The following GRM8 variants were observed in gnomAD, a reference collection of about 807,000 sequenced individuals.
GRM8 encodes the protein glutamate metabotropic receptor 8.
A neutral mutation model predicts 87.2 loss-of-function variants in GRM8; 47 were observed. That is an observed-to-expected ratio of 0.54 (90% CI 0.43 to 0.69). GRM8 has a LOEUF of 0.69. Ranked by LOEUF, GRM8 falls within the 30% of genes least tolerant of loss-of-function variation. The pLI is 0.00. For missense variants in GRM8, 1,019 were observed against 1,139.2 expected, an observed-to-expected ratio of 0.89 and a Z score of 1.52; for synonymous variants, 396 against 404.5, an observed-to-expected ratio of 0.98 and a Z score of 0.25.
intron 7 of GRM8, among the ~76,000 whole-genome samples, chr7:126,650,487 C>T (rs1399789126): frequency 6.6e-6 from 1 of 152,070 alleles, no homozygotes; most frequent in Non-Finnish European, 1.5e-5. Flanking sequence ...CCCCTGTGGG[C>T]AGAACTTCAA....
At chr7:126,495,771 C>A (rs922683681) in intron 9 of GRM8, among the ~76,000 whole-genome samples, 2 of 151,952 alleles carry the variant, frequency 1.3e-5, no homozygotes, top group Admixed American at 6.6e-5. Context: ...TTAATGAATC[C>A]ATTAACTCAT....
chr7:126,817,522 T>A lies in GRM8; in HGVS notation c.1157-47457A>T, dbSNP rs1461057464. ...TTGAGGGGTGATGAGTTCTTGCTTG[T>A]CTGATTCATTTGTAAGGTTCAGTTT... is the stretch of plus-strand genomic sequence containing the variant. On this transcript the variant is annotated intron_variant, in intron 6 of 10. Coordinates refer to ENST00000339582, the MANE Select transcript of GRM8 (RefSeq NM_000845.3). Among the ~76,000 whole-genome samples, 3 of 152,184 alleles carry A rather than the reference T, an allele frequency of 2.0e-5. No homozygotes were observed. The East Asian group carries it at 5.8e-4, about 29-fold the overall frequency.
chr7:126,509,137 C>T (rs1261323628), intron 9 of GRM8, among the ~76,000 whole-genome samples: 1 of 152,038 alleles, frequency 6.6e-6, no homozygotes, highest in Non-Finnish European at 1.5e-5. Flanking sequence ...ACTCTGAAGA[C>T]AGGGGCAGAA....
At chr7:126,583,630 G>C (rs756590666) in intron 8 of GRM8, among the ~76,000 whole-genome samples, 1 of 152,188 alleles carries the variant, frequency 6.6e-6, no homozygotes, top group Non-Finnish European at 1.5e-5. Context: ...AGTGGAGGAA[G>C]TAACTGTAGA....
chr7:127,106,501 T>C lies in GRM8; in HGVS notation c.722A>G (p.Glu241Gly). 6.2e-7 allele frequency: 1 copy of C among 1,611,474 alleles called. No homozygotes were observed. The highest frequency in any genetic ancestry group is 1.3e-5 in the African/African-American group (1 of 74,934). Reference protein sequence around the residue: ...GVEAFTQISREIGGVCIAQSQ... With the variant: ...GVEAFTQISRGIGGVCIAQSQ... ...TCTGATAAATATATGCTTACCAATC[T>C]CCCTCGAGATCTGGGTGAAGGCCTC... The change falls in exon 3 of 11, where the codon GAG becomes GGG. Residue 241 changes from glutamate (E) to glycine (G), a missense_variant. Glu to Gly is a moderately conservative substitution (Grantham distance 98). Coordinates refer to ENST00000339582, the MANE Select transcript of GRM8 (RefSeq NM_000845.3).
At chr7:126,864,286 T>C (rs1798408406) in intron 6 of GRM8, among the ~76,000 whole-genome samples, 1 of 152,198 alleles carries the variant, frequency 6.6e-6, no homozygotes, top group South Asian at 2.1e-4. Context: ...ACTTCTCTAC[T>C]ACATACAGTT....
At chr7:126,998,351 A>T (rs912917201) in intron 3 of GRM8, among the ~76,000 whole-genome samples, 1 of 151,826 alleles carries the variant, frequency 6.6e-6, no homozygotes, top group Non-Finnish European at 1.5e-5. Context: ...AAGCTCTAGA[A>T]CACAACAAAG....
At chr7:127,142,773 T>C (rs1041393467) in intron 2 of GRM8, among the ~76,000 whole-genome samples, 2 of 152,108 alleles carry the variant, frequency 1.3e-5, no homozygotes, top group Non-Finnish European at 2.9e-5. Context: ...TCAACAACTA[T>C]TTATTGAGCA....
At chr7:126,786,813 T>C (rs1176285254) in intron 6 of GRM8, among the ~76,000 whole-genome samples, 1 of 152,220 alleles carries the variant, frequency 6.6e-6, no homozygotes, top group African/African-American at 2.4e-5. Flanking sequence ...TATGAACTTT[T>C]TGTCCATCAG....
At chr7:126,547,199 C>G (rs897819238) in intron 8 of GRM8, among the ~76,000 whole-genome samples, 1 of 152,164 alleles carries the variant, frequency 6.6e-6, no homozygotes, top group Non-Finnish European at 1.5e-5. Flanking sequence ...CGTTATAGTG[C>G]ACCCTTACAT....
intron 9 of GRM8, among the ~76,000 whole-genome samples, chr7:126,509,927 A>G (rs147845168): frequency 6.6e-4 from 101 of 152,144 alleles, no homozygotes; most frequent in African/African-American, 2.3e-3. Flanking sequence ...AAATAGGACA[A>G]TTATTCCCAT....
chr7:126,793,665 T>C (rs1052159031), intron 6 of GRM8, among the ~76,000 whole-genome samples: 7 of 152,214 alleles, frequency 4.6e-5, no homozygotes, highest in African/African-American at 1.7e-4. Context: ...TTTTAACCTA[T>C]AGAGTCACAA....
chr7:127,065,506 C>T (rs1035191125), intron 3 of GRM8, among the ~76,000 whole-genome samples: 4 of 152,052 alleles, frequency 2.6e-5, no homozygotes, highest in Non-Finnish European at 5.9e-5. Flanking sequence ...CATGTACCCC[C>T]AAACCTAAAA....
intron 7 of GRM8, among the ~76,000 whole-genome samples, chr7:126,625,099 A>T (rs1258151397): frequency 1.3e-5 from 2 of 152,222 alleles, no homozygotes; most frequent in African/African-American, 4.8e-5. Flanking sequence ...GAATAAGTGA[A>T]ATCATATTAA....
chr7:127,058,239 A>T, intron 3 of GRM8: 2 of 441,728 alleles, frequency 4.5e-6, no homozygotes, highest in Non-Finnish European at 4.6e-6. Flanking sequence ...GAAGGGCAAG[A>T]GAGCTTTAAA....
At chr7:126,692,530 T>C (rs1244167914) in intron 7 of GRM8, among the ~76,000 whole-genome samples, 1 of 152,196 alleles carries the variant, frequency 6.6e-6, no homozygotes, top group Non-Finnish European at 1.5e-5. Context: ...GGCATTACTC[T>C]CCACATGGAA....
chr7:126,732,376 A>G (rs1435228249), intron 7 of GRM8, among the ~76,000 whole-genome samples: 1 of 152,118 alleles, frequency 6.6e-6, no homozygotes, highest in Non-Finnish European at 1.5e-5. Flanking sequence ...AGAAAAATCC[A>G]AAGTCCCCAA....
At chr7:126,910,823 G>A (rs905959114) in intron 3 of GRM8, among the ~76,000 whole-genome samples, 52 of 152,130 alleles carry the variant, frequency 3.4e-4, no homozygotes, top group African/African-American at 1.2e-3. Context: ...GAGATAAAAG[G>A]CTTGTATGTA....
intron 3 of GRM8, among the ~76,000 whole-genome samples, chr7:127,002,533 T>G (rs1276419560): frequency 6.6e-6 from 1 of 151,680 alleles, no homozygotes; most frequent in East Asian, 1.9e-4. Context: ...TGGCAGTGGG[T>G]ACTTGAGACA....
Sources: allele counts gnomAD v4.1 joint callset (sites outside exome capture counted in the v4.1 genomes callset), GRCh38; gene constraint gnomAD v4.1.1; transcripts MANE v1.5; gene names NCBI Gene and HGNC (gene_info 2026-07-23, HGNC 2026-07-21).